The following WRN variants were observed in gnomAD, a reference collection of about 807,000 sequenced individuals.
WRN encodes the protein WRN RecQ like helicase.
Under a neutral mutation model 180.7 loss-of-function variants are expected in WRN, and 149 were observed. The ratio of observed to expected loss-of-function variants is 0.82; its 90% CI spans 0.72 to 0.94. The LOEUF (loss-of-function observed/expected upper bound fraction) is 0.94, where lower values mean the gene tolerates loss of function less well. WRN is among the 40% of genes least tolerant of loss of function. The pLI, the probability that WRN is intolerant of heterozygous loss-of-function variation, is 0.00. For synonymous variants in WRN, 548 were observed against 568.9 expected (o/e 0.96, Z 0.52); for missense variants, 1,661 against 1,700.1 (o/e 0.98, Z 0.40).
intron 21 of WRN, among the ~76,000 whole-genome samples, chr8:31,121,781 C>T (rs1801734459): frequency 6.6e-6 from 1 of 151,910 alleles, no homozygotes; most frequent in South Asian, 2.1e-4. Context: ...TCTGAGTAGT[C>T]AGTAGCTTTT....
chr8:31,147,316 T>A (rs1230853987), intron 29 of WRN, 48 bp from the exon 30 acceptor site: 1 of 1,573,456 alleles, frequency 6.4e-7, no homozygotes. Flanking sequence ...AAGGACTAGA[T>A]CTTTTAAGTA....
intron 3 of WRN, among the ~76,000 whole-genome samples, chr8:31,062,659 T>C (rs570706577): frequency 1.2e-4 from 19 of 152,124 alleles, no homozygotes; most frequent in South Asian, 2.1e-4. Context: ...GCAATCTGCC[T>C]GCCTTGGCCC....
chr8:31,119,429 C>T (rs11574312), intron 20 of WRN, among the ~76,000 whole-genome samples: 3 of 151,956 alleles, frequency 2.0e-5, no homozygotes, highest in African/African-American at 7.2e-5. Flanking sequence ...GTGTATTAGT[C>T]GTAGGCATTA....
chr8:31,056,031 A>G (rs1448233754), intron 1 of WRN, among the ~76,000 whole-genome samples: 1 of 152,250 alleles, frequency 6.6e-6, no homozygotes, highest in Non-Finnish European at 1.5e-5. Context: ...GCCTGGAAGT[A>G]TCTAGATAGA....
In WRN at chr8:31,141,510, G is replaced by C. The variant is rs1419575801; in HGVS notation, c.3048G>C (p.Lys1016Asn). ...AGGATCAAACAGAGAGTTGGTGGAA[G>C]GCTTTTTCCCGTCAGCTGATCACTG... ...TGKDQTESWW[K>N]AFSRQLITEG... Residue 1016 changes from lysine to asparagine, a missense_variant, in exon 25 of 35, where the codon AAG becomes AAC. Coordinates refer to ENST00000298139, the MANE Select transcript of WRN (RefSeq NM_000553.6). The C allele has an allele frequency of 5.0e-6, 8 of 1,613,994 alleles. No individual in the cohort carries two copies. Among genetic ancestry groups the C allele is most frequent in the Non-Finnish European group, 6.8e-6 (8 of 1,180,034 alleles).
intron 24 of WRN, among the ~76,000 whole-genome samples, chr8:31,139,769 G>T (rs531560180): frequency 6.8e-6 from 1 of 146,366 alleles, no homozygotes; most frequent in East Asian, 1.9e-4. Flanking sequence ...AACAGCAGAG[G>T]AGTAGCCTTA....
intron 8 of WRN, 123 bp downstream of exon 8, chr8:31,076,410 A>C: frequency 1.3e-6 from 1 of 760,906 alleles, no homozygotes; most frequent in Non-Finnish European, 2.2e-6. Context: ...TTGAATACAC[A>C]CACACAGACT....
At chr8:31,150,626 G>A (rs148131042) in intron 31 of WRN, among the ~76,000 whole-genome samples, 171 bp downstream of exon 31, 25 of 152,256 alleles carry the variant, frequency 1.6e-4, no homozygotes, top group African/African-American at 4.3e-4. Context: ...AAACATGTCA[G>A]TTATCTACTT....
chr8:31,158,717 C>T (rs1245174724), intron 33 of WRN, among the ~76,000 whole-genome samples: 2 of 151,920 alleles, frequency 1.3e-5, no homozygotes, highest in African/African-American at 4.8e-5. Flanking sequence ...ACTTAGAAGA[C>T]AGGATTATTT....
intron 23 of WRN, among the ~76,000 whole-genome samples, chr8:31,128,167 A>G (rs1352327186): frequency 6.6e-6 from 1 of 152,194 alleles, no homozygotes; most frequent in Non-Finnish European, 1.5e-5. Flanking sequence ...CAAATCCACC[A>G]TCAAAGTGGG....
chr8:31,078,982 C>T (rs1036046295), intron 8 of WRN, among the ~76,000 whole-genome samples: 1 of 152,176 alleles, frequency 6.6e-6, no homozygotes, highest in African/African-American at 2.4e-5. Flanking sequence ...ACACCATTTC[C>T]TGTCCATGTA....
At chr8:31,060,420 G>C (rs1247061166) in intron 3 of WRN, among the ~76,000 whole-genome samples, 1 of 152,022 alleles carries the variant, frequency 6.6e-6, no homozygotes, top group Non-Finnish European at 1.5e-5. Context: ...AATTAGCCAG[G>C]TGTCTGTGGT....
chr8:31,139,182 C>T (rs1262202301), intron 24 of WRN, among the ~76,000 whole-genome samples: 1 of 152,060 alleles, frequency 6.6e-6, no homozygotes, highest in African/African-American at 2.4e-5. Context: ...AAAACCATTA[C>T]GTTTGTAATA....
Position 31,164,874 on chromosome 8 carries a change from A to G in WRN, c.3983-2148A>G, listed in dbSNP as rs140674186. On this transcript the variant is annotated intron_variant, in intron 33 of 34. Coordinates refer to ENST00000298139, the MANE Select transcript of WRN (RefSeq NM_000553.6). The stretch of plus-strand genomic sequence containing the variant: ...TCAGCACTTATTTACATGGGAAGTT[A>G]GAGCAGAGTAAGATGCACCTGTAAA... 1.3e-3 allele frequency among the ~76,000 whole-genome samples: 192 copies of G among 152,320 alleles called. 1 individual carries two copies. The highest frequency in any genetic ancestry group is 4.3e-3 in the African/African-American group (179 of 41,588).
At chr8:31,062,543 G>C (rs1812526717) in intron 3 of WRN, among the ~76,000 whole-genome samples, 1 of 151,114 alleles carries the variant, frequency 6.6e-6, no homozygotes, top group Non-Finnish European at 1.5e-5. Context: ...GAGTAGCTGG[G>C]ACTACAGGCA....
intron 3 of WRN, among the ~76,000 whole-genome samples, chr8:31,060,435 G>C (rs1054000624): frequency 1.3e-5 from 2 of 152,012 alleles, no homozygotes; most frequent in Admixed American, 6.6e-5. Context: ...TGTGGTCCCA[G>C]CTACTCAGGA....
chr8:31,099,785 G>T (rs1268242993), intron 17 of WRN, among the ~76,000 whole-genome samples: 1 of 151,828 alleles, frequency 6.6e-6, no homozygotes, highest in African/African-American at 2.4e-5. Flanking sequence ...TAGCATTTTT[G>T]TGTGTGTGTG....
At chr8:31,052,610 C>A (rs907892546) in intron 1 of WRN, among the ~76,000 whole-genome samples, 1 of 152,082 alleles carries the variant, frequency 6.6e-6, no homozygotes, top group Non-Finnish European at 1.5e-5. Context: ...TGGTCTCGAA[C>A]CCCTGGCCTC....
intron 2 of WRN, 91 bp downstream of exon 2, chr8:31,058,634 C>T (rs1812367953): frequency 7.5e-7 from 1 of 1,332,804 alleles, no homozygotes; most frequent in Non-Finnish European, 1.1e-6. Context: ...AACTTCAAGT[C>T]ATTGTTTAGG....
Sources: allele counts gnomAD v4.1 joint callset (sites outside exome capture counted in the v4.1 genomes callset), GRCh38; gene constraint gnomAD v4.1.1; transcripts MANE v1.5; gene names NCBI Gene and HGNC (gene_info 2026-07-23, HGNC 2026-07-21).